The following COBLL1 variants were observed in gnomAD, a reference collection of about 807,000 sequenced individuals.
COBLL1 encodes cordon-bleu WH2 repeat protein like 1.
COBLL1 carries 50 observed loss-of-function variants against 94.8 expected under a neutral mutation model. That is an observed-to-expected ratio of 0.53 (90% CI 0.42 to 0.67). COBLL1 has a LOEUF of 0.67. Ranked by LOEUF, COBLL1 falls within the 30% of genes least tolerant of loss-of-function variation. The pLI is 0.00. For missense variants in COBLL1, 1,362 were observed against 1,348.7 expected, an observed-to-expected ratio of 1.01 and a Z score of -0.15; for synonymous variants, 448 against 473.8, an observed-to-expected ratio of 0.95 and a Z score of 0.71.
At chr2:164,814,163 G>A (rs188359197) in intron 2 of COBLL1, among the ~76,000 whole-genome samples, 1 of 152,232 alleles carries the variant, frequency 6.6e-6, no homozygotes, top group Admixed American at 6.5e-5. Flanking sequence ...GAATTACTTT[G>A]TAGAAGCTGC....
chr2:164,678,578 A>G (rs925633972), downstream of COBLL1, among the ~76,000 whole-genome samples: 2 of 152,196 alleles, frequency 1.3e-5, no homozygotes, highest in African/African-American at 4.8e-5. Context: ...AATCTTAACC[A>G]TAACAGAAAA....
At position 164,683,609 on chromosome 2, in the gene COBLL1, A is replaced by G. The variant is rs541000034; in HGVS notation, c.*2337T>C. On this transcript the variant is annotated 3_prime_UTR_variant, in exon 14 of 14. Transcript: ENST00000652658. ...TACGAACACAATTGATGCCTCTTAT[A>G]AATCTCAATTCAGTCTTTCTTGGTT... 1 of 152,292 alleles carries G rather than the reference A, an allele frequency of 6.6e-6. No homozygotes were observed. Among genetic ancestry groups the G allele is most frequent in the African/African-American group, 2.4e-5 (1 of 41,578 alleles). 9.4% of individuals were successfully genotyped at this position (152,292 alleles called of 1,614,324 possible).
chr2:164,721,852 T>A (rs1685459937), intron 7 of COBLL1: 2 of 310,188 alleles, frequency 6.4e-6, no homozygotes, highest in Non-Finnish European at 1.2e-5. Context: ...TGGACATTTA[T>A]CCTTTACTGC....
intron 2 of COBLL1, among the ~76,000 whole-genome samples, chr2:164,751,047 T>C (rs1355858587): frequency 6.6e-6 from 1 of 152,128 alleles, no homozygotes; most frequent in African/African-American, 2.4e-5. Context: ...AGCTTTGCCC[T>C]CGGTCCAAAA....
chr2:164,789,090 C>G (rs1683039552), intron 2 of COBLL1, among the ~76,000 whole-genome samples: 1 of 149,632 alleles, frequency 6.7e-6, no homozygotes, highest in Admixed American at 6.8e-5. Flanking sequence ...TGCCTGTAGT[C>G]CCAGCTACTT....
At position 164,704,972 on chromosome 2, in the gene COBLL1, T is replaced by G. The variant is rs745552668; in HGVS notation, c.1130A>C (p.Asp377Ala). 14 of 1,588,910 alleles carry G rather than the reference T, an allele frequency of 8.8e-6. No homozygotes were observed. The highest frequency in any genetic ancestry group is 1.1e-5 in the Non-Finnish European group (13 of 1,171,194). Residue 377 changes from aspartate (D) to alanine (A), a missense_variant, in exon 8 of 14, where the codon GAT becomes GCT. Transcript: ENST00000652658. ...PPSKIPPHQS[D>A]ENSRVTALQP... ...ATTACCAGTCACACGACTATTTTCA[T>G]CACTTTGATGCGGGGGTATTTTGGA...
intron 2 of COBLL1, among the ~76,000 whole-genome samples, chr2:164,803,415 A>C (rs1490929134): frequency 1.3e-5 from 2 of 151,056 alleles, no homozygotes; most frequent in Non-Finnish European, 3.0e-5. Context: ...AATACAAAAA[A>C]TTAGCCGGGC....
Position 164,734,049 on chromosome 2 carries a change from T to C in COBLL1, c.231-3934A>G, listed in dbSNP as rs115824576. Among the ~76,000 whole-genome samples, 352 of 152,242 alleles carry C rather than the reference T, an allele frequency of 2.3e-3. 1 individual carries two copies. Among genetic ancestry groups the C allele is most frequent in the African/African-American group, 8.4e-3 (348 of 41,524 alleles). On this transcript the variant is annotated intron_variant, in intron 3 of 13. Coordinates refer to ENST00000652658, the MANE Select transcript of COBLL1 (RefSeq NM_001365672.2). ...AATTGTCAAGCCCCAGCCCAGATCA[T>C]TAATCAGAAACTCTGGGAATGAGGA...
chr2:164,791,132 G>A (rs147083606), intron 2 of COBLL1, among the ~76,000 whole-genome samples: 1 of 152,148 alleles, frequency 6.6e-6, no homozygotes, highest in South Asian at 2.1e-4. Flanking sequence ...CTCTGCCAGA[G>A]ATATAATAGA....
intron 3 of COBLL1, among the ~76,000 whole-genome samples, chr2:164,736,831 A>G (rs1203363595): frequency 6.6e-6 from 1 of 152,206 alleles, no homozygotes; most frequent in Non-Finnish European, 1.5e-5. Flanking sequence ...AAGTGCACAT[A>G]TAGATGGGTG....
At chr2:164,723,449 A>T (rs956986224) in intron 5 of COBLL1, 5 of 152,290 alleles carry the variant, frequency 3.3e-5, no homozygotes, top group African/African-American at 1.2e-4. Flanking sequence ...AGAATGGTTG[A>T]TTCTCTGTTG....
In COBLL1 at chr2:164,692,264, A is replaced by G; in HGVS notation, c.3257T>C (p.Leu1086Pro). 6.2e-7 allele frequency: 1 copy of G among 1,612,954 alleles called. No homozygotes were observed. Among genetic ancestry groups the G allele is most frequent in the Non-Finnish European group, 8.5e-7 (1 of 1,179,426 alleles). The change falls in exon 13 of 14, where the codon CTG becomes CCG. Residue 1086 changes from leucine (L) to proline (P), a missense_variant. Coordinates refer to ENST00000652658, the MANE Select transcript of COBLL1 (RefSeq NM_001365672.2). ...SDPEQMRQSL[L>P]TAIRSGEAAA... ...AGCCTCTCCCGAACGGATTGCAGTC[A>G]GCAAACTCTGTCGCATCTGTTCTGG...
intron 2 of COBLL1, among the ~76,000 whole-genome samples, chr2:164,830,306 T>G (rs1412508250): frequency 6.6e-6 from 1 of 152,202 alleles, no homozygotes; most frequent in East Asian, 1.9e-4. Context: ...AAACTGTGAA[T>G]GTCCCAAATC....
intron 2 of COBLL1, among the ~76,000 whole-genome samples, chr2:164,798,432 G>A (rs968662720): frequency 1.3e-5 from 2 of 152,154 alleles, no homozygotes; most frequent in Non-Finnish European, 1.5e-5. Context: ...AAGAAAAATT[G>A]TCACAAAGAG....
chr2:164,825,384 GT>G (rs1685373336), intron 2 of COBLL1, among the ~76,000 whole-genome samples: 1 of 152,098 alleles, frequency 6.6e-6, no homozygotes, highest in Admixed American at 6.6e-5. Flanking sequence ...CAAGTGCAGA[GT>G]TTATGCATGG....
chr2:164,685,923 GC>G lies in COBLL1; in HGVS notation c.*22del. On this transcript the variant is annotated 3_prime_UTR_variant, in exon 14 of 14. Transcript: ENST00000652658. Reference sequence around the variant, plus strand: ...AGTTGGTCTGAAGTGGAAGTGAAGTGCAGTGGTGTGGCAGGGTAACATTTAA... The same window carrying G: ...AGTTGGTCTGAAGTGGAAGTGAAGTGAGTGGTGTGGCAGGGTAACATTTAA... 1 of 1,468,712 alleles carries G rather than the reference GC, an allele frequency of 6.8e-7. No homozygotes were observed. The highest frequency in any genetic ancestry group is 9.5e-7 in the Non-Finnish European group (1 of 1,050,938). 91.0% of individuals were successfully genotyped at this position (1,468,712 alleles called of 1,614,324 possible). A position where few individuals can be genotyped will look rare whatever the true frequency, so the allele number is the denominator to read the frequency against.
chr2:164,792,151 C>T (rs1409986070), intron 2 of COBLL1, among the ~76,000 whole-genome samples: 1 of 151,648 alleles, frequency 6.6e-6, no homozygotes, highest in Non-Finnish European at 1.5e-5. Context: ...CATTTTGAGA[C>T]AGAGTCTCAC....
chr2:164,701,766 A>G (rs993930879), intron 9 of COBLL1, among the ~76,000 whole-genome samples: 1 of 152,154 alleles, frequency 6.6e-6, no homozygotes, highest in Admixed American at 6.5e-5. Flanking sequence ...TATTGTCAAG[A>G]TTAGCCATGG....
intron 7 of COBLL1, among the ~76,000 whole-genome samples, chr2:164,711,456 A>C (rs1349598021): frequency 6.6e-6 from 1 of 152,218 alleles, no homozygotes; most frequent in Non-Finnish European, 1.5e-5. Context: ...AAAACTCAAC[A>C]GTGCCCAATG....
Sources: allele counts gnomAD v4.1 joint callset (sites outside exome capture counted in the v4.1 genomes callset), GRCh38; gene constraint gnomAD v4.1.1; transcripts MANE v1.5; gene names NCBI Gene and HGNC (gene_info 2026-07-23, HGNC 2026-07-21).